The following SUPT3H variants were observed in gnomAD, a reference collection of about 807,000 sequenced individuals.
SUPT3H encodes the protein transcription initiation protein SPT3 homolog.
In SUPT3H, 44 loss-of-function variants were observed where a neutral mutation model predicts 44.3. That is an observed-to-expected ratio of 0.99 (90% CI 0.78 to 1.28). The LOEUF is 1.28. Ranked by LOEUF, SUPT3H falls within the 50% of genes most tolerant of loss-of-function variation. SUPT3H has a pLI of 0.00. For synonymous variants in SUPT3H, 124 were observed against 125.6 expected (o/e 0.99, Z 0.09); for missense variants, 380 against 387.1 (o/e 0.98, Z 0.15).
intron 2 of SUPT3H, among the ~76,000 whole-genome samples, chr6:45,106,594 T>C (rs1309385987): frequency 6.6e-6 from 1 of 152,132 alleles, no homozygotes; most frequent in Non-Finnish European, 1.5e-5. Context: ...TGTAGTGCAG[T>C]GGCACAATCT....
At chr6:45,027,720 G>A (rs557710628) in intron 3 of SUPT3H, among the ~76,000 whole-genome samples, 7 of 152,290 alleles carry the variant, frequency 4.6e-5, no homozygotes, top group African/African-American at 1.2e-4. Flanking sequence ...GAGAAAGGGT[G>A]CAAGGGAAAT....
At chr6:45,002,363 C>G (rs181294544) in intron 6 of SUPT3H, among the ~76,000 whole-genome samples, 1 of 151,964 alleles carries the variant, frequency 6.6e-6, no homozygotes, top group Non-Finnish European at 1.5e-5. Flanking sequence ...GTTTGGCTAG[C>G]CAAGATCTTC....
intron 10 of SUPT3H, among the ~76,000 whole-genome samples, chr6:44,912,767 TAA>T (rs1444570331): frequency 6.6e-6 from 1 of 152,224 alleles, no homozygotes; most frequent in Non-Finnish European, 1.5e-5. Context: ...CAATTAAATG[TAA>T]AGTCTCTTTT....
chr6:45,185,869 C>T (rs539800840), intron 2 of SUPT3H, among the ~76,000 whole-genome samples: 1 of 152,328 alleles, frequency 6.6e-6, no homozygotes, highest in South Asian at 2.1e-4. Context: ...CTCCACTCCA[C>T]CCATCAGGAT....
chr6:45,324,570 G>A lies in SUPT3H; in HGVS notation c.101+40631C>T, dbSNP rs1440759292. Among the ~76,000 whole-genome samples, 4 of 151,692 alleles carry A rather than the reference G, an allele frequency of 2.6e-5. No homozygotes were observed. The East Asian group carries it at 7.7e-4, about 29-fold the overall frequency. On this transcript the variant is annotated intron_variant, in intron 2 of 10. Transcript: ENST00000371459. ...AAAAAAGCCTGAAGGAGAAAGAAAGGGAAAGAGGAGGAATGGGGGAGACAG... is the reference window on the plus strand; with the variant it reads ...AAAAAAGCCTGAAGGAGAAAGAAAGAGAAAGAGGAGGAATGGGGGAGACAG...
intron 6 of SUPT3H, among the ~76,000 whole-genome samples, chr6:44,991,568 G>T (rs1350873425): frequency 1.3e-5 from 2 of 151,780 alleles, no homozygotes. Context: ...TGCCTACGCT[G>T]GAGTACAGTG....
intron 10 of SUPT3H, among the ~76,000 whole-genome samples, chr6:44,930,647 A>T (rs1253997994): frequency 3.3e-5 from 5 of 150,982 alleles, no homozygotes; most frequent in Admixed American, 6.6e-5. Flanking sequence ...AATGGAGGAG[A>T]CCTTTCCAGG....
intron 10 of SUPT3H, among the ~76,000 whole-genome samples, chr6:44,884,215 T>C (rs546441189): frequency 6.6e-6 from 1 of 152,292 alleles, no homozygotes; most frequent in African/African-American, 2.4e-5. Context: ...CAGATACTTC[T>C]GAAAAGAAGA....
At chr6:44,997,586 T>C (rs1781433755) in intron 6 of SUPT3H, among the ~76,000 whole-genome samples, 2 of 151,998 alleles carry the variant, frequency 1.3e-5, no homozygotes, top group South Asian at 4.1e-4. Context: ...GCTCAAGGAT[T>C]ACCAAAATTA....
chr6:44,855,080 G>T (rs976033670), intron 10 of SUPT3H, among the ~76,000 whole-genome samples: 1 of 152,192 alleles, frequency 6.6e-6, no homozygotes, highest in Non-Finnish European at 1.5e-5. Context: ...AGAACAGTCA[G>T]ATTATATTAA....
At chr6:44,955,252 AGGCTCTGTG>A (rs1210602672) in intron 7 of SUPT3H, 5 of 152,640 alleles carry the variant, frequency 3.3e-5, no homozygotes, top group African/African-American at 1.2e-4. Flanking sequence ...TCACCACTGC[AGGCTCTGTG>A]GGACGCAGAG....
intron 2 of SUPT3H, chr6:45,328,403 G>A: frequency 2.8e-6 from 4 of 1,415,952 alleles, no homozygotes; most frequent in Non-Finnish European, 2.8e-6. Flanking sequence ...AGAAGTCTCT[G>A]GTTTTTAAAT....
At chr6:45,078,498 T>G (rs1034811012) in intron 3 of SUPT3H, among the ~76,000 whole-genome samples, 1 of 152,200 alleles carries the variant, frequency 6.6e-6, no homozygotes, top group Non-Finnish European at 1.5e-5. Flanking sequence ...TTAGCTCTAT[T>G]GGTGAGTTTT....
At chr6:45,355,859 T>G (rs997109852) in intron 2 of SUPT3H, among the ~76,000 whole-genome samples, 1 of 152,196 alleles carries the variant, frequency 6.6e-6, no homozygotes, top group African/African-American at 2.4e-5. Flanking sequence ...TTATTTTTGT[T>G]GAATAAATAA....
chr6:45,279,207 G>A (rs1487896835), intron 2 of SUPT3H, among the ~76,000 whole-genome samples: 2 of 152,086 alleles, frequency 1.3e-5, no homozygotes, highest in South Asian at 4.1e-4. Context: ...ACCAAATTAT[G>A]ACATCTGCAA....
chr6:45,246,685 G>A (rs1771400796), intron 2 of SUPT3H, among the ~76,000 whole-genome samples: 1 of 152,146 alleles, frequency 6.6e-6, no homozygotes, highest in African/African-American at 2.4e-5. Flanking sequence ...GAAGGTACCT[G>A]TGAAATCCCC....
At chr6:45,158,230 A>G (rs1808199560) in intron 2 of SUPT3H, among the ~76,000 whole-genome samples, 1 of 134,698 alleles carries the variant, frequency 7.4e-6, no homozygotes, top group Non-Finnish European at 1.5e-5. Flanking sequence ...ATAGATAGAT[A>G]GATAGATAGA....
At chr6:45,160,678 A>G (rs1808800757) in intron 2 of SUPT3H, among the ~76,000 whole-genome samples, 1 of 152,162 alleles carries the variant, frequency 6.6e-6, no homozygotes, top group South Asian at 2.1e-4. Context: ...AGTAAAGTAC[A>G]AAGGAAAAAA....
intron 2 of SUPT3H, among the ~76,000 whole-genome samples, chr6:45,355,016 C>CCAGGCTAAA: frequency 6.6e-6 from 1 of 152,126 alleles, no homozygotes; most frequent in South Asian, 2.1e-4. Context: ...ACTCTGTCAC[C>CCAGGCTAAA]CAGGCTAAAG....
Sources: gnomAD v4.1 joint callset for allele counts (sites outside exome capture counted in the v4.1 genomes callset) on GRCh38, gnomAD v4.1.1 for gene constraint, MANE v1.5 for transcripts, NCBI Gene and HGNC (gene_info 2026-07-23, HGNC 2026-07-21) for gene names.